Variants in ADGRE3 observed in about 807,000 individuals in gnomAD.
ADGRE3 encodes the protein EGF-like module receptor 3.
ADGRE3 carries 88 observed loss-of-function variants against 80.1 expected under a neutral mutation model. The observed-to-expected ratio is 1.10, with a 90% CI of 0.93 to 1.31. The LOEUF is 1.31. Among genes scored for constraint, ADGRE3 ranks in the 40% most tolerant of loss-of-function variants. The pLI is 0.00. For missense variants in ADGRE3, 715 were observed against 776.5 expected (o/e 0.92, Z 0.94); for synonymous variants, 281 against 294.8 (o/e 0.95, Z 0.48).
chr19:14,651,085 C>A lies in ADGRE3; in HGVS notation c.697G>T (p.Gly233Cys), dbSNP rs373403949. The A allele has an allele frequency of 1.2e-6, 2 of 1,614,026 alleles. No homozygotes were observed. The highest frequency in any genetic ancestry group is 2.7e-5 in the African/African-American group (2 of 75,032). ...CSDIIQGDTQGPSAIAFISYS... is the reference protein window; with the variant it reads ...CSDIIQGDTQCPSAIAFISYS... The stretch of plus-strand genomic sequence containing the variant: ...TTCTGAATGCAGCCATCAGGCATAC[C>A]TTGTGTGTCTCCCTGGATGATGTCA... The change falls in exon 7 of 16, where the codon GGT (glycine) becomes TGT (cysteine). Residue 233 changes from glycine (G) to cysteine (C), a missense_variant and splice_region_variant. Gly to Cys is a radical substitution (Grantham distance 159). Transcript: ENST00000253673.
chr19:14,641,393 G>A, intron 10 of ADGRE3, 26 bp downstream of exon 10: 1 of 1,613,664 alleles, frequency 6.2e-7, no homozygotes, highest in Non-Finnish European at 8.5e-7. Context: ...GGGCAGAAAG[G>A]GCATCCTCTG....
chr19:14,665,970 A>ATATATG (rs1972093798), intron 2 of ADGRE3, among the ~76,000 whole-genome samples: 3 of 130,126 alleles, frequency 2.3e-5, no homozygotes, highest in African/African-American at 8.3e-5. Flanking sequence ...ATATATATAT[A>ATATATG]TATATATAGT....
At chr19:14,640,267 G>A (rs1300770375) in intron 10 of ADGRE3, among the ~76,000 whole-genome samples, 1 of 151,986 alleles carries the variant, frequency 6.6e-6, no homozygotes, top group African/African-American at 2.4e-5. Context: ...GCTATGGGGG[G>A]GACAAAAGTT....
At chr19:14,672,581 GC>G (rs1220339325) in intron 1 of ADGRE3, among the ~76,000 whole-genome samples, 5 of 152,218 alleles carry the variant, frequency 3.3e-5, no homozygotes, top group African/African-American at 1.2e-4. Flanking sequence ...CCATTTGGAT[GC>G]TTTTTCTTTC....
intron 14 of ADGRE3, among the ~76,000 whole-genome samples, chr19:14,628,385 G>A (rs1376757273): frequency 2.0e-5 from 3 of 151,526 alleles, no homozygotes; most frequent in Non-Finnish European, 2.9e-5. Context: ...GTTGCAGTGA[G>A]CCGAGATTGA....
chr19:14,636,064 TC>T lies in ADGRE3; in HGVS notation c.1484+2040del, dbSNP rs1568481062. Among the ~76,000 whole-genome samples, 9 of 104,572 alleles carry T rather than the reference TC, an allele frequency of 8.6e-5. 1 individual carries two copies. The highest frequency in any genetic ancestry group is 3.1e-4 in the Admixed American group (3 of 9,606). 68.6% of individuals were successfully genotyped at this position (104,572 alleles called of 152,430 possible). A position where few individuals can be genotyped will look rare whatever the true frequency, so the allele number is the denominator to read the frequency against. On this transcript the variant is annotated intron_variant, in intron 11 of 15. Transcript: ENST00000253673. ...TCCTTCCTTCCTTCCTTCCTTCCTT[TC>T]CTTTCCTTTCCTTTCCCTTTCTTTC...
the ADGRE3 span, among the ~76,000 whole-genome samples, chr19:14,606,171 A>G: frequency 1.3e-5 from 2 of 152,022 alleles, no homozygotes; most frequent in Non-Finnish European, 2.9e-5. Flanking sequence ...AGAGAAACCA[A>G]AAAAAATCAG....
intron 13 of ADGRE3, among the ~76,000 whole-genome samples, chr19:14,632,112 G>T (rs9305046): frequency 0.12 from 18,544 of 152,088 alleles, 1,243 homozygotes; most frequent in African/African-American, 0.18. Context: ...CACGATTGGA[G>T]ATAAACATTT....
chr19:14,653,738 A>G (rs1364247073), intron 6 of ADGRE3, among the ~76,000 whole-genome samples: 1 of 151,882 alleles, frequency 6.6e-6, no homozygotes, highest in Admixed American at 6.6e-5. Context: ...ATGTCCAGCT[A>G]ATATTATCCT....
chr19:14,651,113 G>T lies in ADGRE3; in HGVS notation c.669C>A (p.Cys223Ter). ...GTGTGTCTCCCTGGATGATGTCACT[G>T]CAACGGATGTCCATTGAGTTCATTT... ...NVQMNSMDIR[C>*]SDIIQGDTQG... Residue 223 changes from cysteine (C) to a stop codon, truncating the protein, a stop_gained, in exon 7 of 16, where the codon TGC becomes TGA. Coordinates refer to ENST00000253673, the MANE Select transcript of ADGRE3 (RefSeq NM_032571.5). LOFTEE classifies it high-confidence loss of function. 6.2e-7 allele frequency: 1 copy of T among 1,614,066 alleles called. No individual in the cohort carries two copies. Among genetic ancestry groups the T allele is most frequent in the Non-Finnish European group, 8.5e-7 (1 of 1,179,942 alleles).
At chr19:14,674,491 T>G (rs1214099405) in intron 1 of ADGRE3, among the ~76,000 whole-genome samples, 1 of 151,410 alleles carries the variant, frequency 6.6e-6, no homozygotes, top group Non-Finnish European at 1.5e-5. Flanking sequence ...AGTGAGATTC[T>G]GTCTCAAAAA....
At chr19:14,618,639 C>T (rs1286836561), downstream of ADGRE3, among the ~76,000 whole-genome samples, 1 of 149,768 alleles carries the variant, frequency 6.7e-6, no homozygotes, top group Non-Finnish European at 1.5e-5. Context: ...GGTGGATCAC[C>T]TGAGGCTGGG....
intron 15 of ADGRE3, among the ~76,000 whole-genome samples, chr19:14,623,733 CT>C (rs1410119786): frequency 6.6e-6 from 1 of 152,188 alleles, no homozygotes; most frequent in Non-Finnish European, 1.5e-5. Context: ...GATGATCACT[CT>C]GCTATGCCTA....
the ADGRE3 span, among the ~76,000 whole-genome samples, chr19:14,613,174 C>T: frequency 6.6e-6 from 1 of 152,000 alleles, no homozygotes; most frequent in Non-Finnish European, 1.5e-5. Flanking sequence ...GATCCGCCCA[C>T]CTCAGCCCCC....
At chr19:14,668,355 CTT>C (rs113084264) in intron 2 of ADGRE3, among the ~76,000 whole-genome samples, 1 of 148,232 alleles carries the variant, frequency 6.7e-6, no homozygotes, top group African/African-American at 2.5e-5. Context: ...ACCAGACAAA[CTT>C]TTTTTTTTTC....
At chr19:14,647,608 G>T (rs1479123163) in intron 7 of ADGRE3, among the ~76,000 whole-genome samples, 1 of 151,172 alleles carries the variant, frequency 6.6e-6, no homozygotes, top group African/African-American at 2.4e-5. Flanking sequence ...AGTAGAGATA[G>T]GGTTTCACTA....
chr19:14,650,916 C>T (rs1056965743), intron 7 of ADGRE3, among the ~76,000 whole-genome samples, 169 bp downstream of exon 7: 6 of 152,092 alleles, frequency 3.9e-5, no homozygotes, highest in African/African-American at 1.4e-4. Flanking sequence ...AACAGAAAAC[C>T]TCCATTTTGG....
At chr19:14,629,716 A>C (rs1970826088) in intron 14 of ADGRE3, among the ~76,000 whole-genome samples, 1 of 151,848 alleles carries the variant, frequency 6.6e-6, no homozygotes, top group Non-Finnish European at 1.5e-5. Context: ...CAGAATAAGA[A>C]AAGCAAATAT....
intron 6 of ADGRE3, among the ~76,000 whole-genome samples, chr19:14,653,885 C>A (rs1971673496): frequency 6.6e-6 from 1 of 151,706 alleles, no homozygotes; most frequent in Non-Finnish European, 1.5e-5. Flanking sequence ...ACCAAAGTAT[C>A]CAGATTCCAG....
Sources: gnomAD v4.1 joint callset for allele counts (sites outside exome capture counted in the v4.1 genomes callset) on GRCh38, gnomAD v4.1.1 for gene constraint, MANE v1.5 for transcripts, NCBI Gene and HGNC (gene_info 2026-07-23, HGNC 2026-07-21) for gene names.